The following CNST variants were observed in gnomAD, a reference collection of about 807,000 sequenced individuals.
The protein encoded by CNST is consortin, connexin sorting protein.
A neutral mutation model predicts 72.4 loss-of-function variants in CNST; 39 were observed. The observed-to-expected ratio is 0.54, with a 90% CI of 0.42 to 0.70. The LOEUF is 0.70. Ranked by LOEUF, CNST falls within the 30% of genes least tolerant of loss-of-function variation. The pLI, the probability that CNST is intolerant of heterozygous loss-of-function variation, is 0.00. For missense variants in CNST, 871 were observed against 868.5 expected, an observed-to-expected ratio of 1.00 and a Z score of -0.04; for synonymous variants, 332 against 320.1, an observed-to-expected ratio of 1.04 and a Z score of -0.40.
intron 1 of CNST, among the ~76,000 whole-genome samples, chr1:246,569,571 G>GT (rs1659938774): frequency 6.6e-6 from 1 of 152,076 alleles, no homozygotes; most frequent in Non-Finnish European, 1.5e-5. Context: ...TCCTTTTAGT[G>GT]TTTTTGTTTT....
At chr1:246,593,923 T>A (rs1242353186) in intron 2 of CNST, among the ~76,000 whole-genome samples, 1 of 152,106 alleles carries the variant, frequency 6.6e-6, no homozygotes, top group Non-Finnish European at 1.5e-5. Context: ...CTACCATGCC[T>A]GACTAATTTT....
At chr1:246,582,849 C>G (rs149152443) in intron 1 of CNST, among the ~76,000 whole-genome samples, 3 of 152,206 alleles carry the variant, frequency 2.0e-5, no homozygotes, top group African/African-American at 7.2e-5. Flanking sequence ...ACAATGTCCT[C>G]TTGTCCAGTG....
At chr1:246,653,634 C>A (rs540162547) in intron 9 of CNST, among the ~76,000 whole-genome samples, 19 of 152,332 alleles carry the variant, frequency 1.2e-4, no homozygotes, top group African/African-American at 4.6e-4. Context: ...CTCGTCCTTG[C>A]CTTTTGTTTT....
intron 10 of CNST, among the ~76,000 whole-genome samples, chr1:246,664,994 TAA>T (rs1667328700): frequency 6.6e-6 from 1 of 152,166 alleles, no homozygotes; most frequent in Non-Finnish European, 1.5e-5. Context: ...TGTTTAATAT[TAA>T]GTCGACTTTG....
chr1:246,631,078 A>G (rs1488144025), intron 3 of CNST, among the ~76,000 whole-genome samples: 1 of 152,212 alleles, frequency 6.6e-6, no homozygotes, highest in Non-Finnish European at 1.5e-5. Context: ...AGTTTATGCA[A>G]TATTTCAGTG....
chr1:246,614,552 A>G (rs1281017928), intron 2 of CNST, among the ~76,000 whole-genome samples: 3 of 147,300 alleles, frequency 2.0e-5, no homozygotes, highest in East Asian at 2.0e-4. Flanking sequence ...GCTCTCTACA[A>G]CCTCCACTTC....
At chr1:246,641,920 T>G in intron 7 of CNST, 21 bp from the exon 8 acceptor site, 1 of 1,581,044 alleles carries the variant, frequency 6.3e-7, no homozygotes, top group Non-Finnish European at 8.6e-7. Context: ...AAGTTGGGTT[T>G]TCTTGTTTTA....
intron 9 of CNST, among the ~76,000 whole-genome samples, chr1:246,655,181 C>T (rs1398477020): frequency 6.6e-6 from 1 of 152,138 alleles, no homozygotes; most frequent in East Asian, 1.9e-4. Flanking sequence ...GGTAATGCCT[C>T]ACCTAGAAAC....
chr1:246,571,393 G>A (rs529523518), intron 1 of CNST, among the ~76,000 whole-genome samples: 6 of 151,960 alleles, frequency 3.9e-5, no homozygotes, highest in East Asian at 1.9e-4. Flanking sequence ...CAAGTGATCC[G>A]CCCACCTCAG....
intron 9 of CNST, among the ~76,000 whole-genome samples, chr1:246,654,409 G>A (rs1666657451): frequency 6.6e-6 from 1 of 152,214 alleles, no homozygotes; most frequent in Admixed American, 6.5e-5. Flanking sequence ...TACTCAGTAA[G>A]TGCTAGCTGA....
At chr1:246,588,539 C>G (rs1252253693) in intron 1 of CNST, among the ~76,000 whole-genome samples, 3 of 152,144 alleles carry the variant, frequency 2.0e-5, no homozygotes, top group Non-Finnish European at 4.4e-5. Flanking sequence ...TACTGTGACA[C>G]TGTCAAGGCA....
In CNST at chr1:246,621,512, G is replaced by A. The variant is rs1664090449; in HGVS notation, c.463G>A (p.Ala155Thr). 2 of 1,614,014 alleles carry A rather than the reference G, an allele frequency of 1.2e-6. No individual in the cohort carries two copies. The highest frequency in any genetic ancestry group is 1.3e-5 in the African/African-American group (1 of 74,922). The part of the protein sequence containing the change: ...VTYAVDDEEA[A>T]EVNANEQPEA... ...ATATGCTGTTGATGATGAAGAAGCT[G>A]CTGAAGTAAATGCTAATGAGCAGCC... Residue 155 changes from alanine to threonine, a missense_variant, in exon 3 of 11, where the codon GCT (alanine) becomes ACT (threonine). Ala to Thr is a moderately conservative substitution (Grantham distance 58). Coordinates refer to ENST00000366513, the MANE Select transcript of CNST (RefSeq NM_152609.3).
intron 1 of CNST, among the ~76,000 whole-genome samples, chr1:246,567,034 TC>T (rs937012509): frequency 6.9e-6 from 1 of 143,914 alleles, no homozygotes; most frequent in African/African-American, 2.6e-5. Flanking sequence ...GGTTTTCATT[TC>T]CCCCCCACAC....
intron 9 of CNST, among the ~76,000 whole-genome samples, chr1:246,649,246 A>G (rs956175558): frequency 6.6e-6 from 1 of 152,026 alleles, no homozygotes; most frequent in African/African-American, 2.4e-5. Context: ...GGGGCAATGA[A>G]AAATGTTGGA....
At chr1:246,615,742 G>T (rs1216659522) in intron 2 of CNST, among the ~76,000 whole-genome samples, 1 of 151,720 alleles carries the variant, frequency 6.6e-6, no homozygotes, top group Non-Finnish European at 1.5e-5. Context: ...GCCTGGCATG[G>T]TGATGCATAC....
At chr1:246,645,423 ACT>A in intron 8 of CNST, among the ~76,000 whole-genome samples, 1 of 106,082 alleles carries the variant, frequency 9.4e-6, no homozygotes, top group South Asian at 4.4e-4. Flanking sequence ...AAAGGTTAAA[ACT>A]TTTTTTTTTT....
intron 10 of CNST, among the ~76,000 whole-genome samples, chr1:246,664,840 C>T (rs1428140143): frequency 6.6e-6 from 1 of 152,170 alleles, no homozygotes. Context: ...TTTAATCATG[C>T]TGCAGATCAG....
intron 2 of CNST, chr1:246,607,122 C>T (rs951175004): frequency 5.3e-5 from 8 of 152,186 alleles, no homozygotes; most frequent in African/African-American, 1.9e-4. Context: ...CGGGCTTTCA[C>T]CTGCGGCACG....
chr1:246,659,594 C>CA (rs35795572), intron 9 of CNST, among the ~76,000 whole-genome samples: 8,804 of 124,182 alleles, frequency 0.071, 339 homozygotes, highest in Middle Eastern at 0.13. Context: ...GACTCTGTCT[C>CA]AAAAAAAAAA....
Sources: gnomAD v4.1 joint callset for allele counts (sites outside exome capture counted in the v4.1 genomes callset) on GRCh38, gnomAD v4.1.1 for gene constraint, MANE v1.5 for transcripts, NCBI Gene and HGNC (gene_info 2026-07-23, HGNC 2026-07-21) for gene names.